Variants in NRG1 observed in about 807,000 individuals in gnomAD.
NRG1 encodes the protein neuregulin 1.
A neutral mutation model predicts 63.8 loss-of-function variants in NRG1; 18 were observed. That is an observed-to-expected ratio of 0.28 (90% CI 0.19 to 0.42). The LOEUF is 0.42. Among genes scored for constraint, NRG1 ranks in the 10% least tolerant of loss-of-function variants. NRG1 has a pLI of 1.00. For missense variants in NRG1, 762 were observed against 814.7 expected, an observed-to-expected ratio of 0.94 and a Z score of 0.79; for synonymous variants, 302 against 301.3, an observed-to-expected ratio of 1.00 and a Z score of -0.02.
At chr8:32,057,226 G>C (rs1298107480) in intron 1 of NRG1, among the ~76,000 whole-genome samples, 1 of 152,146 alleles carries the variant, frequency 6.6e-6, no homozygotes, top group Non-Finnish European at 1.5e-5. Flanking sequence ...GACATAGTGT[G>C]TTTATATTTA....
intron 1 of NRG1, among the ~76,000 whole-genome samples, chr8:31,978,731 C>A (rs780961114): frequency 1.2e-4 from 18 of 152,196 alleles, no homozygotes; most frequent in East Asian, 3.9e-4. Context: ...ATAGACAGCA[C>A]CCTGTTTGCC....
At chr8:32,750,710 CAAAAAAA>C (rs34624230) in intron 7 of NRG1, among the ~76,000 whole-genome samples, 1 of 124,370 alleles carries the variant, frequency 8.0e-6, no homozygotes, top group Admixed American at 8.3e-5. Flanking sequence ...ATTTCTTCCT[CAAAAAAA>C]AAAAAAAAAA....
chr8:32,021,207 G>C (rs1245035037), intron 1 of NRG1, among the ~76,000 whole-genome samples: 1 of 152,130 alleles, frequency 6.6e-6, no homozygotes, highest in African/African-American at 2.4e-5. Context: ...GAACACCTGA[G>C]ACTGAGTAAT....
rs1220585894 is a variant in NRG1, at chr8:32,320,991, A to G, written c.38-274837A>G. Among the ~76,000 whole-genome samples, 6 of 152,132 alleles carry G rather than the reference A, an allele frequency of 3.9e-5. No individual in the cohort carries two copies. In the South Asian group the frequency reaches 1.2e-3, roughly 32 times the overall value. On this transcript the variant is annotated intron_variant, in intron 1 of 10. Transcript: ENST00000519301. ...ACAATCTTGTTTATTTATATATTTT[A>G]TGGTGGTGAGGGGAGAAATTATTCT...
chr8:32,061,128 T>A (rs1238702244), intron 1 of NRG1, among the ~76,000 whole-genome samples: 2 of 152,026 alleles, frequency 1.3e-5, no homozygotes, highest in African/African-American at 4.8e-5. Flanking sequence ...TATAAATATT[T>A]AGTAGAATCT....
intron 1 of NRG1, among the ~76,000 whole-genome samples, chr8:32,498,526 AACTC>A (rs1351901927): frequency 3.9e-5 from 6 of 152,180 alleles, no homozygotes; most frequent in African/African-American, 1.4e-4. Context: ...ATCCTGTGAG[AACTC>A]ACTCACTATC....
chr8:32,436,134 A>T (rs1403827502), intron 1 of NRG1, among the ~76,000 whole-genome samples: 1 of 152,216 alleles, frequency 6.6e-6, no homozygotes, highest in Admixed American at 6.5e-5. Context: ...AGACCTCACA[A>T]GCATGGTGGA....
intron 1 of NRG1, among the ~76,000 whole-genome samples, chr8:31,764,353 A>G (rs1045971609): frequency 6.6e-6 from 1 of 152,130 alleles, no homozygotes; most frequent in Non-Finnish European, 1.5e-5. Flanking sequence ...TCATCACTAC[A>G]AGAATCCTTC....
At chr8:32,098,887 G>GCTTCCAC (rs1830210900) in intron 1 of NRG1, 1 of 152,146 alleles carries the variant, frequency 6.6e-6, no homozygotes, top group Non-Finnish European at 1.5e-5. Context: ...CATAACCATG[G>GCTTCCAC]GTAGCCATAG....
At chr8:31,965,960 A>G (rs1806250842) in intron 1 of NRG1, among the ~76,000 whole-genome samples, 1 of 152,194 alleles carries the variant, frequency 6.6e-6, no homozygotes, top group Non-Finnish European at 1.5e-5. Context: ...ACTGGAGACA[A>G]CAAAAATGGG....
intron 1 of NRG1, among the ~76,000 whole-genome samples, chr8:31,825,351 G>C (rs1259820839): frequency 6.6e-6 from 1 of 151,264 alleles, no homozygotes; most frequent in African/African-American, 2.4e-5. Context: ...TCGCACCACT[G>C]CACTCCATCC....
At chr8:31,829,810 G>A (rs1466461438) in intron 1 of NRG1, among the ~76,000 whole-genome samples, 4 of 152,206 alleles carry the variant, frequency 2.6e-5, no homozygotes, top group Non-Finnish European at 5.9e-5. Flanking sequence ...ACTGGCAGGT[G>A]ACAAGGCAAG....
chr8:31,999,932 C>A (rs1448343443), intron 1 of NRG1, among the ~76,000 whole-genome samples: 1 of 151,638 alleles, frequency 6.6e-6, no homozygotes, highest in Admixed American at 6.6e-5. Flanking sequence ...TTTAAGCCTG[C>A]AATTGAACTA....
At chr8:31,754,335 A>G (rs1816759677) in intron 1 of NRG1, among the ~76,000 whole-genome samples, 1 of 152,084 alleles carries the variant, frequency 6.6e-6, no homozygotes, top group African/African-American at 2.4e-5. Context: ...TACTGTCCTC[A>G]TGATAGCGAG....
intron 1 of NRG1, among the ~76,000 whole-genome samples, chr8:31,691,422 C>T (rs1246681782): frequency 6.0e-5 from 9 of 151,200 alleles, no homozygotes; most frequent in Admixed American, 3.9e-4. Context: ...GGTGAAACCC[C>T]GTCTCTACTA....
At chr8:32,754,412 C>G (rs780939614) in exon 8 of NRG1, 3 of 1,613,804 alleles carry the variant, frequency 1.9e-6, no homozygotes, top group South Asian at 2.2e-5. Flanking sequence ...TGACCATAAC[C>G]GGCATCTGCA....
chr8:32,585,896 C>T (rs1346285163), intron 1 of NRG1, among the ~76,000 whole-genome samples: 2 of 152,036 alleles, frequency 1.3e-5, no homozygotes, highest in African/African-American at 2.4e-5. Context: ...AGTTAAGAGC[C>T]AGGGCTCTGG....
chr8:31,778,946 A>G (rs1413572168), intron 1 of NRG1, among the ~76,000 whole-genome samples: 1 of 152,230 alleles, frequency 6.6e-6, no homozygotes, highest in African/African-American at 2.4e-5. Context: ...AGAAGTAACA[A>G]TCTTATCAGA....
At chr8:32,348,658 T>C (rs1386599286) in intron 1 of NRG1, among the ~76,000 whole-genome samples, 1 of 152,326 alleles carries the variant, frequency 6.6e-6, no homozygotes, top group Non-Finnish European at 1.5e-5. Context: ...AGTATGGTTT[T>C]CTGTTATAAC....
Sources: gnomAD v4.1 joint callset for allele counts (sites outside exome capture counted in the v4.1 genomes callset) on GRCh38, gnomAD v4.1.1 for gene constraint, MANE v1.5 for transcripts, NCBI Gene and HGNC (gene_info 2026-07-23, HGNC 2026-07-21) for gene names.